FMN1: variants seen among roughly 807,000 people sequenced by gnomAD.
The protein encoded by FMN1 is formin 1, also known as formin-1.
FMN1 carries 110 observed loss-of-function variants against 132.4 expected under a neutral mutation model. The observed-to-expected ratio is 0.83, with a 90% CI of 0.71 to 0.97. The LOEUF (loss-of-function observed/expected upper bound fraction) is 0.97. Among genes scored for constraint, FMN1 ranks in the 50% least tolerant of loss-of-function variants. The pLI is 0.00. For synonymous variants in FMN1, 722 were observed against 651.7 expected (o/e 1.11, Z -1.64); for missense variants, 1,792 against 1,705.3 (o/e 1.05, Z -0.90).
intron 9 of FMN1, among the ~76,000 whole-genome samples, chr15:32,944,975 G>C (rs1037447416): frequency 1.3e-5 from 2 of 152,132 alleles, no homozygotes; most frequent in Non-Finnish European, 1.5e-5. Flanking sequence ...CCTGCGAACA[G>C]CTTTGATTTT....
rs61740911 is a variant in FMN1 at position 33,154,409 on chromosome 15, A to G, written c.506T>C (p.Phe169Ser). 2,200 of 1,535,916 alleles carry G rather than the reference A, an allele frequency of 1.4e-3. 10 individuals carry two copies. In the African/African-American group the frequency reaches 0.018, roughly 12 times the overall value. The change falls in exon 4 of 21, where the codon TTT becomes TCT. Residue 169 changes from phenylalanine to serine, a missense_variant. Around this residue, in one of 3 missense-constraint regions of FMN1, gnomAD observed 638 missense variants for 645.2 expected, o/e 0.99. Transcript: ENST00000616417. ...GGTCCTCTTCTGTGGAAGGGCCCCA[A>G]AGCTCTCTCTCCTTCCACTAGACCT... Reference protein sequence around the residue: ...PRRSSGRRESFGALPQKRTKR... With the variant: ...PRRSSGRRESSGALPQKRTKR...
intron 9 of FMN1, among the ~76,000 whole-genome samples, chr15:32,959,806 G>C (rs1165372358): frequency 1.3e-5 from 2 of 152,192 alleles, no homozygotes; most frequent in Admixed American, 1.3e-4. Context: ...AAACAGAAGT[G>C]AATAGTTCTA....
intron 5 of FMN1, among the ~76,000 whole-genome samples, chr15:33,085,222 G>T (rs1486187305): frequency 6.6e-6 from 1 of 152,124 alleles, no homozygotes; most frequent in Non-Finnish European, 1.5e-5. Flanking sequence ...AGTATACACT[G>T]CCCCAATTTG....
intron 9 of FMN1, among the ~76,000 whole-genome samples, chr15:32,958,437 G>A (rs897096702): frequency 3.9e-5 from 6 of 151,936 alleles, no homozygotes; most frequent in Admixed American, 3.9e-4. Flanking sequence ...TATCTTTCTC[G>A]GTCTTAGTTT....
At chr15:32,958,143 T>C (rs567211002) in intron 9 of FMN1, among the ~76,000 whole-genome samples, 2 of 152,344 alleles carry the variant, frequency 1.3e-5, no homozygotes, top group Admixed American at 6.5e-5. Flanking sequence ...ACTCAAAGAT[T>C]TGGCTTCCTA....
chr15:33,037,630 G>C (rs1027533579), intron 6 of FMN1, among the ~76,000 whole-genome samples: 1 of 152,176 alleles, frequency 6.6e-6, no homozygotes, highest in Non-Finnish European at 1.5e-5. Flanking sequence ...TGACACTTTT[G>C]TAGAAAGGAG....
At chr15:32,876,741 A>G (rs2059646092) in intron 16 of FMN1, among the ~76,000 whole-genome samples, 1 of 152,254 alleles carries the variant, frequency 6.6e-6, no homozygotes, top group African/African-American at 2.4e-5. Flanking sequence ...GAACTTTAAA[A>G]ATACAGTAGG....
At chr15:33,045,966 T>C (rs1033291021) in intron 6 of FMN1, among the ~76,000 whole-genome samples, 2 of 152,218 alleles carry the variant, frequency 1.3e-5, no homozygotes, top group Admixed American at 1.3e-4. Flanking sequence ...AGGCTCATTT[T>C]TCACTGATTT....
At chr15:32,792,094 A>G (rs538016630) in intron 19 of FMN1, among the ~76,000 whole-genome samples, 33 of 152,036 alleles carry the variant, frequency 2.2e-4, no homozygotes, top group Non-Finnish European at 3.7e-4. Flanking sequence ...GAAGAAGGGG[A>G]GTAGTCACCT....
intron 19 of FMN1, among the ~76,000 whole-genome samples, chr15:32,786,227 A>G (rs561889851): frequency 6.6e-6 from 1 of 152,352 alleles, no homozygotes; most frequent in African/African-American, 2.4e-5. Flanking sequence ...ATGGACGAAC[A>G]TGATAAACAA....
At chr15:32,827,196 C>CCA (rs2058388471) in intron 17 of FMN1, among the ~76,000 whole-genome samples, 1 of 152,300 alleles carries the variant, frequency 6.6e-6, no homozygotes, top group African/African-American at 2.4e-5. Flanking sequence ...GCTTTACCGT[C>CCA]CATCTAGGAA....
intron 6 of FMN1, among the ~76,000 whole-genome samples, chr15:33,018,231 T>C (rs1303832076): frequency 6.6e-6 from 1 of 152,118 alleles, no homozygotes; most frequent in African/African-American, 2.4e-5. Flanking sequence ...TTGACCCCAC[T>C]TCCTGACAAT....
intron 6 of FMN1, among the ~76,000 whole-genome samples, chr15:33,055,502 G>A (rs571976395): frequency 1.9e-4 from 29 of 152,148 alleles, no homozygotes; most frequent in Admixed American, 3.3e-4. Flanking sequence ...CAAAGCTACA[G>A]AACAGTGGAA....
chr15:32,823,444 G>A (rs58179821), intron 17 of FMN1, among the ~76,000 whole-genome samples: 16,789 of 151,964 alleles, frequency 0.11, 980 homozygotes, highest in Middle Eastern at 0.18. Context: ...GATTACAGGT[G>A]TGAGCCACTG....
intron 7 of FMN1, among the ~76,000 whole-genome samples, chr15:32,990,062 G>T (rs921166757): frequency 1.3e-5 from 2 of 152,100 alleles, no homozygotes; most frequent in Non-Finnish European, 2.9e-5. Flanking sequence ...CTGGTTTTGG[G>T]AATTTTAAAT....
chr15:32,802,425 T>C lies in FMN1; in HGVS notation c.3980+1856A>G, dbSNP rs528916578. ...TAGCCTCAGAGTAAATTGTTTCTCT[T>C]GAGAATAAAACATAAGAATTCACTA... On this transcript the variant is annotated intron_variant, in intron 18 of 20. Coordinates refer to ENST00000616417, the MANE Select transcript of FMN1 (RefSeq NM_001277313.2). Among the ~76,000 whole-genome samples, 4 of 152,308 alleles carry C rather than the reference T, an allele frequency of 2.6e-5. No homozygotes were observed. The East Asian group carries it at 7.7e-4, about 29-fold the overall frequency.
At chr15:33,110,225 A>G (rs1200759452) in intron 4 of FMN1, among the ~76,000 whole-genome samples, 2 of 152,074 alleles carry the variant, frequency 1.3e-5, no homozygotes, top group African/African-American at 2.4e-5. Context: ...ACCATAAGCA[A>G]GTAAAGTGTC....
At position 32,799,080 on chromosome 15, in the gene FMN1, C is replaced by A. The variant is rs1258806; in HGVS notation, c.3981-127G>T. 0.16 allele frequency: 106,444 copies of A among 676,118 alleles called. 9,338 individuals carry two copies. The highest frequency in any genetic ancestry group is 0.22 in the South Asian group (10,859 of 48,456). 41.9% of individuals were successfully genotyped at this position (676,118 alleles called of 1,614,324 possible). ...TATTTTGTAACACAGAAGCTGGGGG[C>A]TCATAGTTACTGAAGTTTATTGTAA... On this transcript the variant is annotated intron_variant, in intron 18 of 20. Coordinates refer to ENST00000616417, the MANE Select transcript of FMN1 (RefSeq NM_001277313.2).
At chr15:32,862,425 T>C (rs1208942919) in intron 16 of FMN1, among the ~76,000 whole-genome samples, 1 of 152,212 alleles carries the variant, frequency 6.6e-6, no homozygotes, top group Admixed American at 6.5e-5. Flanking sequence ...GAGACAGAGA[T>C]GAAATATTAA....
Sources: gnomAD v4.1 joint callset for allele counts (sites outside exome capture counted in the v4.1 genomes callset) on GRCh38, gnomAD v4.1.1 for gene constraint, gnomAD v4.1.1 regional missense constraint, MANE v1.5 for transcripts, NCBI Gene and HGNC (gene_info 2026-07-23, HGNC 2026-07-21) for gene names.